LYST: variants seen among roughly 807,000 people sequenced by gnomAD.
The protein encoded by LYST is lysosomal trafficking regulator, also known as lysosomal-trafficking regulator.
LYST carries 192 observed loss-of-function variants against 413.6 expected under a neutral mutation model. The ratio of observed to expected loss-of-function variants is 0.46; its 90% CI spans 0.41 to 0.52. The LOEUF (loss-of-function observed/expected upper bound fraction) is 0.52. Ranked by LOEUF, LYST falls within the 20% of genes least tolerant of loss-of-function variation. The probability of loss-of-function intolerance (pLI) is 0.00; values close to 1 mark genes in which losing one functional copy is unlikely to be tolerated. For missense variants in LYST, 3,815 were observed against 4,499.9 expected (o/e 0.85, Z 4.35); for synonymous variants, 1,525 against 1,567.3 (o/e 0.97, Z 0.64).
chr1:235,708,700 G>C (rs1171290185), intron 44 of LYST, among the ~76,000 whole-genome samples: 1 of 152,186 alleles, frequency 6.6e-6, no homozygotes, highest in Non-Finnish European at 1.5e-5. Flanking sequence ...CTCGTTGCTG[G>C]AGGAGGCTGA....
chr1:235,878,295 T>C (rs1330056609), intron 1 of LYST, among the ~76,000 whole-genome samples: 2 of 152,132 alleles, frequency 1.3e-5, no homozygotes, highest in African/African-American at 4.8e-5. Context: ...AGGGAGTGGC[T>C]TGTGGCAGAG....
intron 14 of LYST, 28 bp from the exon 15 acceptor site, chr1:235,782,115 G>C: frequency 6.3e-7 from 1 of 1,588,812 alleles, no homozygotes; most frequent in South Asian, 1.1e-5. Context: ...CAAAGTTAAA[G>C]CAATGACTTT....
At chr1:235,855,163 G>A (rs1260074471) in intron 1 of LYST, among the ~76,000 whole-genome samples, 1 of 151,928 alleles carries the variant, frequency 6.6e-6, no homozygotes, top group Non-Finnish European at 1.5e-5. Flanking sequence ...GTACTGTATT[G>A]TTTCTTTTAA....
At chr1:235,679,469 G>A (rs1469030418) in intron 48 of LYST, among the ~76,000 whole-genome samples, 2 of 151,960 alleles carry the variant, frequency 1.3e-5, no homozygotes, top group Non-Finnish European at 2.9e-5. Flanking sequence ...AATCAAGGTT[G>A]CTTTAAATGA....
chr1:235,840,610 C>T (rs1193477127), intron 1 of LYST, among the ~76,000 whole-genome samples: 1 of 152,116 alleles, frequency 6.6e-6, no homozygotes, highest in Non-Finnish European at 1.5e-5. Flanking sequence ...ATAGGTGATT[C>T]TAATGAACAG....
Position 235,830,288 on chromosome 1 carries a change from G to A in LYST, c.130C>T (p.Gln44Ter), listed in dbSNP as rs756716492. The change falls in exon 3 of 53, where the codon CAG becomes TAG. Residue 44 changes from glutamine to a stop codon, truncating the protein, a stop_gained. Transcript: ENST00000389793. LOFTEE classifies it high-confidence loss of function. ...AATCCTCGACCATGGACAAGGTACTGTCCAAGGGTTGCCATGTGCGTCTCC... is the reference window on the plus strand; with the variant it reads ...AATCCTCGACCATGGACAAGGTACTATCCAAGGGTTGCCATGTGCGTCTCC... ...EEETHMATLG[Q>*]YLVHGRGFLL... The A allele has an allele frequency of 6.2e-7, 1 of 1,613,952 alleles. No homozygotes were observed. Among genetic ancestry groups the A allele is most frequent in the Non-Finnish European group, 8.5e-7 (1 of 1,179,960 alleles).
In LYST at chr1:235,806,710, A is replaced by C; in HGVS notation, c.2426T>G (p.Leu809Ter). 1 of 1,613,296 alleles carries C rather than the reference A, an allele frequency of 6.2e-7. No individual in the cohort carries two copies. The highest frequency in any genetic ancestry group is 8.5e-7 in the Non-Finnish European group (1 of 1,179,244). The change falls in exon 6 of 53, where the codon TTA (leucine) becomes TGA (stop). Residue 809 changes from leucine (L) to a stop codon, truncating the protein, a stop_gained. Transcript: ENST00000389793. LOFTEE classifies it high-confidence loss of function. The part of the protein sequence containing the change: ...GVSQIIELNC[L>*]NGIRSHSLKA... ...TAGAGAATGACTTCGAATACCATTT[A>C]AGCAATTTAATTCGATTATTTGACT...
chr1:235,681,878 C>A (rs1659843367), intron 48 of LYST, among the ~76,000 whole-genome samples: 1 of 151,344 alleles, frequency 6.6e-6, no homozygotes, highest in Non-Finnish European at 1.5e-5. Flanking sequence ...TTTTTCAGTT[C>A]ATTAATTCTG....
At chr1:235,845,373 C>T (rs1415567093) in intron 1 of LYST, among the ~76,000 whole-genome samples, 3 of 152,146 alleles carry the variant, frequency 2.0e-5, no homozygotes, top group Non-Finnish European at 4.4e-5. Context: ...TCCTGCCTGG[C>T]ACCACAAGGA....
chr1:235,870,905 G>A (rs929602583), upstream of LYST, among the ~76,000 whole-genome samples: 1 of 152,178 alleles, frequency 6.6e-6, no homozygotes, highest in East Asian at 1.9e-4. Context: ...AATGCCTACT[G>A]CAATGCATGG....
intron 31 of LYST, chr1:235,737,953 G>A (rs778057055): frequency 1.8e-4 from 226 of 1,258,590 alleles, no homozygotes; most frequent in Non-Finnish European, 2.1e-4. Flanking sequence ...AACACCCGCC[G>A]GACGTGCATT....
At chr1:235,822,530 T>C (rs927063208) in intron 3 of LYST, among the ~76,000 whole-genome samples, 2 of 152,220 alleles carry the variant, frequency 1.3e-5, no homozygotes, top group East Asian at 1.9e-4. Context: ...GAAAGCCTCA[T>C]GTGTATCCAG....
chr1:235,678,719 C>T (rs1268319363), intron 48 of LYST, among the ~76,000 whole-genome samples: 1 of 152,082 alleles, frequency 6.6e-6, no homozygotes, highest in Admixed American at 6.5e-5. Flanking sequence ...TACTGTTCTA[C>T]ATCCTATTTC....
intron 31 of LYST, chr1:235,738,861 A>G (rs2103246393): frequency 2.6e-6 from 2 of 761,992 alleles, no homozygotes; most frequent in African/African-American, 1.7e-5. Flanking sequence ...CTTCCTTAGC[A>G]TTCCTTGCAT....
chr1:235,798,578 T>TAAAAAAAAA lies in LYST; in HGVS notation c.4006+1733_4006+1741dup, dbSNP rs71174462. 2.1e-4 allele frequency among the ~76,000 whole-genome samples: 17 copies of TAAAAAAAAA among 81,710 alleles called. 1 individual carries two copies. Among genetic ancestry groups the TAAAAAAAAA allele is most frequent in the Admixed American group, 4.2e-4 (3 of 7,196 alleles). The allele number at this position is 81,710 out of a possible 152,430, so 53.6% of individuals were successfully genotyped here. A position where few individuals can be genotyped will look rare whatever the true frequency, so the allele number is the denominator to read the frequency against. On this transcript the variant is annotated intron_variant, in intron 10 of 52. Coordinates refer to ENST00000389793, the MANE Select transcript of LYST (RefSeq NM_000081.4). ...TGGCGACAAGGGCAAAACCCTGTCATAAAAAAAAAAAAAAAAAAAAAAAAA... is the reference window on the plus strand; with the variant it reads ...TGGCGACAAGGGCAAAACCCTGTCATAAAAAAAAAAAAAAAAAAAAAAAAAAAAAAAAAA...
At chr1:235,774,867 T>C in intron 18 of LYST, 46 bp downstream of exon 18, 1 of 1,223,000 alleles carries the variant, frequency 8.2e-7, no homozygotes, top group East Asian at 2.3e-5. Flanking sequence ...ACGAGATGAG[T>C]ATCACTGCAT....
In LYST at chr1:235,793,591, T is replaced by G; in HGVS notation, c.4028A>C (p.Asp1343Ala). The G allele has an allele frequency of 6.3e-7, 1 of 1,589,838 alleles. No homozygotes were observed. Among genetic ancestry groups the G allele is most frequent in the Non-Finnish European group, 8.6e-7 (1 of 1,160,048 alleles). The change falls in exon 11 of 53, where the codon GAT becomes GCT. Residue 1343 changes from aspartate to alanine, a missense_variant. Asp to Ala is a moderately radical substitution (Grantham distance 126). Transcript: ENST00000389793. ...DFQACQRVLV[D>A]LLVSLMSSRT... ...TGAACTCATCAAAGATACCAAAAGA[T>G]CCACCAATACTCTCTGGCATGCTAA...
At chr1:235,805,705 T>C (rs879260595) in intron 6 of LYST, 38 bp downstream of exon 6, 30 of 1,220,210 alleles carry the variant, frequency 2.5e-5, no homozygotes, top group Non-Finnish European at 3.5e-5. Context: ...TATATGTATA[T>C]ATATTACATA....
At chr1:235,762,980 A>G in intron 21 of LYST, 129 bp from the exon 22 acceptor site, 1 of 699,842 alleles carries the variant, frequency 1.4e-6, no homozygotes, top group Non-Finnish European at 2.5e-6. Context: ...TATATAGCAT[A>G]CTTTATATTA....
Sources: gnomAD v4.1 joint callset for allele counts (sites outside exome capture counted in the v4.1 genomes callset) on GRCh38, gnomAD v4.1.1 for gene constraint, MANE v1.5 for transcripts, NCBI Gene and HGNC (gene_info 2026-07-23, HGNC 2026-07-21) for gene names.